CTTNBP2: variants seen among roughly 807,000 people sequenced by gnomAD.
The protein encoded by CTTNBP2 is cortactin binding protein 2, also known as cortactin-binding protein 2.
A neutral mutation model predicts 156.9 loss-of-function variants in CTTNBP2; 108 were observed. The observed-to-expected ratio is 0.69, with a 90% CI of 0.59 to 0.81. The LOEUF (loss-of-function observed/expected upper bound fraction) is 0.81. Among genes scored for constraint, CTTNBP2 ranks in the 30% least tolerant of loss-of-function variants. The pLI is 0.00. For missense variants in CTTNBP2, 1,924 were observed against 2,035.4 expected, an observed-to-expected ratio of 0.95 and a Z score of 1.05; for synonymous variants, 767 against 751.8, an observed-to-expected ratio of 1.02 and a Z score of -0.33.
At chr7:117,775,000 T>C (rs1241038339) in intron 8 of CTTNBP2, among the ~76,000 whole-genome samples, 1 of 152,122 alleles carries the variant, frequency 6.6e-6, no homozygotes, top group Non-Finnish European at 1.5e-5. Context: ...ATTAGGCAAA[T>C]GATACAAATA....
At chr7:117,825,373 G>A (rs552051560) in intron 2 of CTTNBP2, among the ~76,000 whole-genome samples, 7 of 152,136 alleles carry the variant, frequency 4.6e-5, no homozygotes, top group East Asian at 1.9e-4. Flanking sequence ...TTTCTGGTAC[G>A]TCTCCTTCAC....
intron 19 of CTTNBP2, among the ~76,000 whole-genome samples, chr7:117,722,965 G>C (rs966453479): frequency 1.3e-5 from 2 of 152,092 alleles, no homozygotes; most frequent in Non-Finnish European, 2.9e-5. Flanking sequence ...TCATTGTCTT[G>C]GAGCTTTCTT....
chr7:117,810,627 C>T lies in CTTNBP2; in HGVS notation c.414+138G>A. ...ACTAGGTTACATTGGCTTAAAGAATCTGTCAGCCTCTTGCACTTCTAAGTA... is the reference window on the plus strand; with the variant it reads ...ACTAGGTTACATTGGCTTAAAGAATTTGTCAGCCTCTTGCACTTCTAAGTA... On this transcript the variant is annotated intron_variant, in intron 3 of 22. Transcript: ENST00000160373. The T allele has an allele frequency of 1.1e-5, 8 of 701,458 alleles. No homozygotes were observed. In the South Asian group the frequency reaches 1.4e-4, roughly 12 times the overall value. The allele number at this position is 701,458 out of a possible 1,614,324, so 43.5% of individuals were successfully genotyped here.
chr7:117,854,724 C>CG (rs1259042861), intron 2 of CTTNBP2, among the ~76,000 whole-genome samples: 3 of 151,870 alleles, frequency 2.0e-5, no homozygotes, highest in Non-Finnish European at 2.9e-5. Context: ...CATTATGCAA[C>CG]GTATTTGAAT....
In CTTNBP2 at chr7:117,835,917, C is replaced by T. The variant is rs1284433755; in HGVS notation, c.190-24928G>A. Among the ~76,000 whole-genome samples, 5 of 152,062 alleles carry T rather than the reference C, an allele frequency of 3.3e-5. No homozygotes were observed. In the East Asian group the frequency reaches 5.8e-4, roughly 18 times the overall value. ...TCATGTGTAAACTAGGTAATAATAC[C>T]TAATATTAGTAATAATACCTACAAC... On this transcript the variant is annotated intron_variant, in intron 2 of 22. Transcript: ENST00000160373.
At chr7:117,852,816 G>A (rs563503743) in intron 2 of CTTNBP2, among the ~76,000 whole-genome samples, 30 of 152,144 alleles carry the variant, frequency 2.0e-4, no homozygotes, top group African/African-American at 5.8e-4. Flanking sequence ...CTGAGCCCTC[G>A]TAGCAATTAA....
intron 20 of CTTNBP2, among the ~76,000 whole-genome samples, chr7:117,720,556 C>T (rs900670426): frequency 2.0e-5 from 3 of 152,042 alleles, no homozygotes; most frequent in Admixed American, 6.6e-5. Flanking sequence ...TAGCCAGGCA[C>T]GGTGGCAGGC....
intron 2 of CTTNBP2, among the ~76,000 whole-genome samples, chr7:117,821,091 T>C (rs1299733417): frequency 2.6e-5 from 4 of 152,184 alleles, no homozygotes; most frequent in African/African-American, 9.6e-5. Flanking sequence ...TTCTTAATTC[T>C]ACACATTTTA....
chr7:117,781,219 T>G (rs1798419009), intron 6 of CTTNBP2, among the ~76,000 whole-genome samples: 1 of 152,244 alleles, frequency 6.6e-6, no homozygotes, highest in Non-Finnish European at 1.5e-5. Flanking sequence ...GTCAAGACTT[T>G]GTGACACTTA....
chr7:117,861,857 G>A (rs1046648557), intron 1 of CTTNBP2, among the ~76,000 whole-genome samples: 1 of 151,858 alleles, frequency 6.6e-6, no homozygotes, highest in Non-Finnish European at 1.5e-5. Flanking sequence ...CGTTGTTGTT[G>A]TTTTTCATTT....
chr7:117,726,502 A>G (rs1307634394), intron 17 of CTTNBP2, among the ~76,000 whole-genome samples: 1 of 152,048 alleles, frequency 6.6e-6, no homozygotes, highest in Non-Finnish European at 1.5e-5. Flanking sequence ...AAAAAAATCA[A>G]CTCCTTAACT....
chr7:117,768,283 T>G (rs946308150), intron 8 of CTTNBP2, among the ~76,000 whole-genome samples: 1 of 152,052 alleles, frequency 6.6e-6, no homozygotes, highest in African/African-American at 2.4e-5. Context: ...CATATCTGGC[T>G]GGGTGTGGTG....
intron 12 of CTTNBP2, 119 bp downstream of exon 12, chr7:117,756,436 G>C: frequency 1.3e-6 from 1 of 749,042 alleles, no homozygotes; most frequent in Non-Finnish European, 2.4e-6. Context: ...GGAAGGTAAC[G>C]GTGTCAGAGC....
chr7:117,778,526 C>G (rs1341055638), intron 7 of CTTNBP2, among the ~76,000 whole-genome samples: 1 of 152,192 alleles, frequency 6.6e-6, no homozygotes, highest in Non-Finnish European at 1.5e-5. Context: ...AGACCAGCAG[C>G]ATCAGTATCA....
At chr7:117,739,556 C>T (rs956813133) in intron 14 of CTTNBP2, among the ~76,000 whole-genome samples, 1 of 152,206 alleles carries the variant, frequency 6.6e-6, no homozygotes, top group African/African-American at 2.4e-5. Context: ...CAGTTTTGCA[C>T]ATCCTTATAT....
chr7:117,761,448 G>T (rs2116658173), intron 9 of CTTNBP2, among the ~76,000 whole-genome samples: 1 of 152,286 alleles, frequency 6.6e-6, no homozygotes, highest in East Asian at 1.9e-4. Flanking sequence ...TGACTGAATT[G>T]TATGCTGAGT....
intron 12 of CTTNBP2, among the ~76,000 whole-genome samples, chr7:117,747,054 C>T (rs10953849): frequency 0.1 from 15,245 of 152,194 alleles, 1,141 homozygotes; most frequent in African/African-American, 0.21. Flanking sequence ...GCCCAGCACA[C>T]ATGCTTGGGA....
rs67694603 is a variant in CTTNBP2, at chr7:117,838,967, C to CGGG, written c.189+22239_189+22241dup. 6.6e-3 allele frequency among the ~76,000 whole-genome samples: 622 copies of CGGG among 94,914 alleles called. 8 individuals carry two copies. The highest frequency in any genetic ancestry group is 0.023 in the African/African-American group (577 of 24,694). The allele number at this position is 94,914 out of a possible 152,430, so 62.3% of individuals were successfully genotyped here. A position where few individuals can be genotyped will look rare whatever the true frequency, so the allele number is the denominator to read the frequency against. On this transcript the variant is annotated intron_variant, in intron 2 of 22. Coordinates refer to ENST00000160373, the MANE Select transcript of CTTNBP2 (RefSeq NM_033427.3). ...ATAATGTATAGTAACATTGCGGGGG[C>CGGG]GGGGGGGGGGCTTTTAAAAAAAATC...
chr7:117,715,972 G>C (rs1040789881), intron 22 of CTTNBP2: 1 of 152,142 alleles, frequency 6.6e-6, no homozygotes, highest in Non-Finnish European at 1.5e-5. Context: ...GCTGCCAACA[G>C]TAAGTACCAC....
Sources: gnomAD v4.1 joint callset for allele counts (sites outside exome capture counted in the v4.1 genomes callset) on GRCh38, gnomAD v4.1.1 for gene constraint, MANE v1.5 for transcripts, NCBI Gene and HGNC (gene_info 2026-07-23, HGNC 2026-07-21) for gene names.